CSGALNACT1: variants seen among roughly 807,000 people sequenced by gnomAD.
CSGALNACT1 encodes the protein chondroitin sulfate N-acetylgalactosaminyltransferase 1, also known as beta4GalNAcT-1.
A neutral mutation model predicts 51.0 loss-of-function variants in CSGALNACT1; 52 were observed. The ratio of observed to expected loss-of-function variants is 1.02; its 90% CI spans 0.82 to 1.29. The LOEUF is 1.29. Among genes scored for constraint, CSGALNACT1 ranks in the 50% most tolerant of loss-of-function variants. The probability of loss-of-function intolerance (pLI) is 0.00; values close to 1 mark genes in which losing one functional copy is unlikely to be tolerated. For missense variants in CSGALNACT1, 935 were observed against 679.2 expected (o/e 1.38, Z -4.19); for synonymous variants, 341 against 254.4 (o/e 1.34, Z -3.24).
At chr8:19,406,146 TTTTCATTAAGACATGACTGGGGGGGATG>T (rs2054125527) in intron 9 of CSGALNACT1, 77 bp from the exon 9 acceptor site, 1 of 1,543,762 alleles carries the variant, frequency 6.5e-7, no homozygotes, top group African/African-American at 1.4e-5. Flanking sequence ...AAGCACAAAC[TTTTCATTAAGACATGACTGGGGGGGATG>T]CGTGCTTCAC....
chr8:19,552,478 TCCGAGA>T (rs1303224826), intron 3 of CSGALNACT1, among the ~76,000 whole-genome samples: 2 of 152,110 alleles, frequency 1.3e-5, no homozygotes, highest in African/African-American at 4.8e-5. Flanking sequence ...AAATTATCAC[TCCGAGA>T]CCAAGTTTCT....
rs139834991 is a variant in CSGALNACT1 at position 19,668,699 on chromosome 8, C to T, written c.-544+13774G>A. 3.9e-3 allele frequency among the ~76,000 whole-genome samples: 591 copies of T among 152,208 alleles called. 1 individual carries two copies. Among genetic ancestry groups the T allele is most frequent in the African/African-American group, 0.011 (472 of 41,524 alleles). On this transcript the variant is annotated intron_variant, in intron 1 of 9. Transcript: ENST00000332246. ...CCTCCCAAGTAGCTGGCATTAAAGG[C>T]GAGCGCCACCATGCCTGGCTGATTT...
chr8:19,659,962 A>T (rs764977698), intron 1 of CSGALNACT1, among the ~76,000 whole-genome samples: 37 of 152,238 alleles, frequency 2.4e-4, no homozygotes, highest in Non-Finnish European at 5.0e-4. Context: ...GCTAGACTCT[A>T]GCCGCTTTCT....
Position 19,456,259 on chromosome 8 carries a change from G to A in CSGALNACT1, c.851+2167C>T, listed in dbSNP as rs117251762. Among the ~76,000 whole-genome samples, 260 of 152,286 alleles carry A rather than the reference G, an allele frequency of 1.7e-3. 7 individuals carry two copies. In the East Asian group the frequency reaches 0.048, roughly 28 times the overall value. On this transcript the variant is annotated intron_variant, in intron 5 of 9. Transcript: ENST00000454498. ...GAATCCTGCTATTTCAGGCCCAGGA[G>A]TCCTACAGTGAGGACTTGTCCTTTC...
chr8:19,483,497 G>A (rs1268250535), intron 4 of CSGALNACT1, among the ~76,000 whole-genome samples: 3 of 152,152 alleles, frequency 2.0e-5, no homozygotes, highest in African/African-American at 4.8e-5. Context: ...GGTCCCCACA[G>A]CCTATACTGG....
At chr8:19,532,210 G>A (rs570315448) in intron 3 of CSGALNACT1, among the ~76,000 whole-genome samples, 8 of 150,500 alleles carry the variant, frequency 5.3e-5, no homozygotes, top group South Asian at 4.2e-4. Flanking sequence ...TTATTGTCTC[G>A]CTCTGGACCT....
chr8:19,523,571 A>G (rs2081129999), intron 3 of CSGALNACT1, among the ~76,000 whole-genome samples: 1 of 152,194 alleles, frequency 6.6e-6, no homozygotes, highest in African/African-American at 2.4e-5. Flanking sequence ...CGCCCAGGCT[A>G]CATGGTACTA....
At chr8:19,457,821 A>G (rs1231280133) in intron 5 of CSGALNACT1, 2 of 1,350,858 alleles carry the variant, frequency 1.5e-6, no homozygotes, top group Non-Finnish European at 2.0e-6. Flanking sequence ...GCAGGCCTGA[A>G]AAATGAAACC....
chr8:19,600,887 G>C (rs754742444), intron 2 of CSGALNACT1, among the ~76,000 whole-genome samples: 2 of 150,830 alleles, frequency 1.3e-5, no homozygotes, highest in East Asian at 3.9e-4. Flanking sequence ...TTAAATGAAG[G>C]AGGAAGGTGA....
chr8:19,559,128 T>C (rs1406690048), intron 3 of CSGALNACT1, among the ~76,000 whole-genome samples: 1 of 152,172 alleles, frequency 6.6e-6, no homozygotes, highest in African/African-American at 2.4e-5. Context: ...ACAACAAAGA[T>C]GGTATCTGAA....
intron 6 of CSGALNACT1, among the ~76,000 whole-genome samples, chr8:19,424,195 C>T (rs959313142): frequency 6.6e-6 from 1 of 152,134 alleles, no homozygotes; most frequent in Non-Finnish European, 1.5e-5. Flanking sequence ...AGGGTGGGGA[C>T]AGAGTCACTG....
intron 6 of CSGALNACT1, among the ~76,000 whole-genome samples, chr8:19,421,886 C>G (rs1029356322): frequency 3.3e-5 from 5 of 152,004 alleles, no homozygotes; most frequent in African/African-American, 1.2e-4. Context: ...GGTTAGGAGG[C>G]CTCATGATGG....
chr8:19,580,359 T>C, intron 3 of CSGALNACT1, among the ~76,000 whole-genome samples: 1 of 152,224 alleles, frequency 6.6e-6, no homozygotes, highest in Non-Finnish European at 1.5e-5. Flanking sequence ...TTTATGACCA[T>C]GGCACTCAAC....
At chr8:19,408,736 G>T (rs760190256) in intron 8 of CSGALNACT1, 42 bp from the exon 8 acceptor site, 1 of 1,578,200 alleles carries the variant, frequency 6.3e-7, no homozygotes, top group South Asian at 1.1e-5. Flanking sequence ...AGTTTAGGGT[G>T]GACAAAAATA....
chr8:19,609,042 C>A lies in CSGALNACT1; in HGVS notation c.-543-7177G>T, dbSNP rs558296978. 7.2e-5 allele frequency among the ~76,000 whole-genome samples: 11 copies of A among 152,096 alleles called. No individual in the cohort carries two copies. The South Asian group carries it at 2.3e-3, about 32-fold the overall frequency. On this transcript the variant is annotated intron_variant, in intron 1 of 9. Transcript: ENST00000332246. Reference sequence around the variant, plus strand: ...GCTCCAACTGCAAGGGAATTGAGAACATACTGTCCACATTTTCCAGAAAAG... The same window carrying A: ...GCTCCAACTGCAAGGGAATTGAGAAAATACTGTCCACATTTTCCAGAAAAG...
intron 3 of CSGALNACT1, among the ~76,000 whole-genome samples, chr8:19,512,534 C>T (rs918647491): frequency 6.6e-6 from 1 of 152,234 alleles, no homozygotes; most frequent in East Asian, 1.9e-4. Context: ...AATGCTATCT[C>T]TCAACCATAC....
chr8:19,410,728 T>C (rs1279774045), intron 8 of CSGALNACT1, among the ~76,000 whole-genome samples: 1 of 152,212 alleles, frequency 6.6e-6, no homozygotes, highest in African/African-American at 2.4e-5. Flanking sequence ...GTGAGTTGTG[T>C]AAACATTTAT....
chr8:19,568,204 A>G (rs1327257740), intron 3 of CSGALNACT1, among the ~76,000 whole-genome samples: 1 of 152,218 alleles, frequency 6.6e-6, no homozygotes, highest in Non-Finnish European at 1.5e-5. Flanking sequence ...TACTGACACA[A>G]ACCTAGATGG....
chr8:19,685,439 TTGCA>T (rs1193052174), upstream of CSGALNACT1, among the ~76,000 whole-genome samples: 2 of 151,912 alleles, frequency 1.3e-5, no homozygotes, highest in Non-Finnish European at 2.9e-5. Context: ...TGAGTCACGA[TTGCA>T]CCACTGCACT....
Sources: gnomAD v4.1 joint callset for allele counts (sites outside exome capture counted in the v4.1 genomes callset) on GRCh38, gnomAD v4.1.1 for gene constraint, MANE v1.5 for transcripts, NCBI Gene and HGNC (gene_info 2026-07-23, HGNC 2026-07-21) for gene names.